FAT3: variants seen among roughly 807,000 people sequenced by gnomAD.
FAT3 encodes the protein protocadherin Fat 3.
A neutral mutation model predicts 310.2 loss-of-function variants in FAT3; 95 were observed. The observed-to-expected ratio is 0.31, with a 90% CI of 0.26 to 0.36. FAT3 has a LOEUF of 0.36. Ranked by LOEUF, FAT3 falls within the 10% of genes least tolerant of loss-of-function variation. The probability of loss-of-function intolerance (pLI) is 1.00; values close to 1 mark genes in which losing one functional copy is unlikely to be tolerated. For synonymous variants in FAT3, 2,314 were observed against 2,192.9 expected (o/e 1.06, Z -1.54); for missense variants, 5,408 against 5,715.6 (o/e 0.95, Z 1.74).
At chr11:92,832,815 G>A (rs559493857) in intron 14 of FAT3, among the ~76,000 whole-genome samples, 1 of 152,166 alleles carries the variant, frequency 6.6e-6, no homozygotes, top group Admixed American at 6.5e-5. Flanking sequence ...CACATGCACA[G>A]GCAGACACTG....
At chr11:92,452,873 A>T (rs1195935142) in intron 2 of FAT3, among the ~76,000 whole-genome samples, 3 of 152,110 alleles carry the variant, frequency 2.0e-5, no homozygotes, top group Admixed American at 6.5e-5. Flanking sequence ...ACCTGGTCTC[A>T]AGCAACCCTC....
intron 22 of FAT3, among the ~76,000 whole-genome samples, chr11:92,875,726 G>A (rs1591841015): frequency 6.6e-6 from 1 of 152,054 alleles, no homozygotes; most frequent in African/African-American, 2.4e-5. Context: ...GTATGAGTTG[G>A]CACCAGCCAC....
intron 1 of FAT3, among the ~76,000 whole-genome samples, chr11:92,285,612 T>A (rs10830894): frequency 0.58 from 88,659 of 151,876 alleles, 26,327 homozygotes; most frequent in Non-Finnish European, 0.63. Context: ...GACACTTAGG[T>A]CTCTGTTTCT....
chr11:92,626,803 C>A (rs945705268), intron 3 of FAT3, among the ~76,000 whole-genome samples: 1 of 152,196 alleles, frequency 6.6e-6, no homozygotes, highest in Non-Finnish European at 1.5e-5. Flanking sequence ...ATCCTCCGCT[C>A]CATTGGATCT....
chr11:92,396,698 C>T (rs1484250860), intron 2 of FAT3, among the ~76,000 whole-genome samples: 1 of 152,038 alleles, frequency 6.6e-6, no homozygotes, highest in African/African-American at 2.4e-5. Context: ...GTTTTGTTGG[C>T]CCTTTGTTAT....
intron 2 of FAT3, among the ~76,000 whole-genome samples, chr11:92,420,589 G>T (rs1223629062): frequency 6.6e-6 from 1 of 151,960 alleles, no homozygotes; most frequent in Non-Finnish European, 1.5e-5. Flanking sequence ...ACTCCTTGAT[G>T]GGGGGGTTAA....
chr11:92,539,856 G>C (rs1403065020), intron 3 of FAT3, among the ~76,000 whole-genome samples: 1 of 152,098 alleles, frequency 6.6e-6, no homozygotes, highest in African/African-American at 2.4e-5. Context: ...ATAATCTTTT[G>C]AACAAAGTGA....
At chr11:92,574,854 T>TG (rs2135514655) in intron 3 of FAT3, among the ~76,000 whole-genome samples, 1 of 152,162 alleles carries the variant, frequency 6.6e-6, no homozygotes, top group East Asian at 1.9e-4. Flanking sequence ...AACCCTGTGA[T>TG]GGGGGTAGTG....
chr11:92,859,631 CA>C (rs1245318117), intron 21 of FAT3, among the ~76,000 whole-genome samples: 1 of 152,192 alleles, frequency 6.6e-6, no homozygotes, highest in African/African-American at 2.4e-5. Context: ...AATTCCACAA[CA>C]GGGGTGGTCC....
At chr11:92,458,252 C>T (rs758281871) in intron 2 of FAT3, among the ~76,000 whole-genome samples, 43 of 152,132 alleles carry the variant, frequency 2.8e-4, no homozygotes, top group Admixed American at 7.2e-4. Context: ...TGGGCAGAAC[C>T]ATGCAGGGCT....
At chr11:92,757,608 G>A (rs1423479387) in intron 4 of FAT3, among the ~76,000 whole-genome samples, 2 of 152,204 alleles carry the variant, frequency 1.3e-5, no homozygotes, top group Non-Finnish European at 2.9e-5. Context: ...TGATGCCATT[G>A]ATGATTCCAT....
chr11:92,453,610 A>G (rs1764109080), intron 2 of FAT3, among the ~76,000 whole-genome samples: 1 of 152,224 alleles, frequency 6.6e-6, no homozygotes, highest in East Asian at 1.9e-4. Flanking sequence ...TAGCTCTGAG[A>G]AGTCCTTCAC....
intron 4 of FAT3, among the ~76,000 whole-genome samples, chr11:92,760,494 T>C (rs1251453193): frequency 6.6e-6 from 1 of 152,214 alleles, no homozygotes; most frequent in Non-Finnish European, 1.5e-5. Context: ...ATGGAAGTAA[T>C]AATCTGTTTC....
At chr11:92,785,280 A>G (rs1056346277) in intron 7 of FAT3, among the ~76,000 whole-genome samples, 4 of 152,178 alleles carry the variant, frequency 2.6e-5, no homozygotes, top group Non-Finnish European at 5.9e-5. Context: ...AAACACTAGG[A>G]TAATATTTAA....
At chr11:92,439,788 T>G (rs1275597470) in intron 2 of FAT3, among the ~76,000 whole-genome samples, 1 of 152,166 alleles carries the variant, frequency 6.6e-6, no homozygotes, top group East Asian at 1.9e-4. Flanking sequence ...CAGGCGTTTG[T>G]GCCTGTGGTT....
intron 2 of FAT3, among the ~76,000 whole-genome samples, chr11:92,452,831 C>T (rs933787421): frequency 6.6e-6 from 1 of 152,092 alleles, no homozygotes; most frequent in African/African-American, 2.4e-5. Flanking sequence ...GGTGAGATCA[C>T]GGCTCACTGA....
chr11:92,858,159 G>A (rs1949030583), intron 20 of FAT3, among the ~76,000 whole-genome samples: 1 of 152,198 alleles, frequency 6.6e-6, no homozygotes, highest in Admixed American at 6.5e-5. Context: ...TAGAAATTCA[G>A]CCTTTGCAAA....
chr11:92,438,093 C>T (rs1037736708), intron 2 of FAT3, among the ~76,000 whole-genome samples: 1 of 152,006 alleles, frequency 6.6e-6, no homozygotes, highest in Non-Finnish European at 1.5e-5. Flanking sequence ...GAAAACTTTG[C>T]AGATATAATG....
At chr11:92,557,298 C>T (rs1955056565) in intron 3 of FAT3, among the ~76,000 whole-genome samples, 1 of 152,068 alleles carries the variant, frequency 6.6e-6, no homozygotes, top group African/African-American at 2.4e-5. Flanking sequence ...GAAGTGACCT[C>T]AGGTCTTTCC....
Sources: allele counts gnomAD v4.1 joint callset (sites outside exome capture counted in the v4.1 genomes callset), GRCh38; gene constraint gnomAD v4.1.1; transcripts MANE v1.5; gene names NCBI Gene and HGNC (gene_info 2026-07-23, HGNC 2026-07-21).